GRAMD1B: variants seen among roughly 807,000 people sequenced by gnomAD.
GRAMD1B encodes the protein GRAM domain containing 1B.
A neutral mutation model predicts 99.7 loss-of-function variants in GRAMD1B; 37 were observed. The observed-to-expected ratio is 0.37, with a 90% confidence interval of 0.29 to 0.49. The LOEUF (loss-of-function observed/expected upper bound fraction) is 0.49. GRAMD1B is among the 20% of genes least tolerant of loss of function. The pLI, the probability that GRAMD1B is intolerant of heterozygous loss-of-function variation, is 0.98. For synonymous variants in GRAMD1B, 427 were observed against 387.6 expected, an observed-to-expected ratio of 1.10 and a Z score of -1.19; for missense variants, 888 against 1,009.2, an observed-to-expected ratio of 0.88 and a Z score of 1.63.
chr11:123,431,046 C>T lies in GRAMD1B; in HGVS notation c.254C>T (p.Ser85Phe), dbSNP rs1948858474. 2 of 702,922 alleles carry T rather than the reference C, an allele frequency of 2.8e-6. No individual in the cohort carries two copies. The highest frequency in any genetic ancestry group is 3.0e-5 in the South Asian group (2 of 67,610). 43.5% of individuals were successfully genotyped at this position (702,922 alleles called of 1,614,324 possible). ...LQLPSIEITP[S>F]SDEDTPWSNC... is the part of the protein sequence containing the mutation. ...CTGCCGTCCATCGAGATCACGCCCT[C>T]CAGCGACGAGGACACCCCGTGGTCC... The change falls in exon 1 of 20, where the codon TCC becomes TTC. Residue 85 changes from serine to phenylalanine, a missense_variant. Coordinates refer to ENST00000635736, the MANE Select transcript of GRAMD1B (RefSeq NM_001387025.1).
intron 9 of GRAMD1B, among the ~76,000 whole-genome samples, chr11:123,603,924 T>G (rs1952345655): frequency 6.6e-6 from 1 of 152,164 alleles, no homozygotes; most frequent in Non-Finnish European, 1.5e-5. Context: ...TGGTGGTTGT[T>G]TGGAGAAGTG....
chr11:123,577,859 C>T (rs1948907368), intron 3 of GRAMD1B, among the ~76,000 whole-genome samples: 1 of 151,674 alleles, frequency 6.6e-6, no homozygotes, highest in African/African-American at 2.4e-5. Flanking sequence ...ATTAGGGGGT[C>T]ATCTGCTTAT....
chr11:123,603,548 G>A lies in GRAMD1B; in HGVS notation c.1166+7G>A. The A allele has an allele frequency of 6.4e-7, 1 of 1,568,742 alleles. No homozygotes were observed. Among genetic ancestry groups the A allele is most frequent in the Non-Finnish European group, 8.8e-7 (1 of 1,138,636 alleles). On this transcript the variant is annotated splice_region_variant and intron_variant, in intron 9 of 19. Transcript: ENST00000635736. ...ACGACTTCAACACAATGGGGTGAGTGAGGCCAAGGGCGGCTGCCCAGAGGC... is the reference window on the plus strand; with the variant it reads ...ACGACTTCAACACAATGGGGTGAGTAAGGCCAAGGGCGGCTGCCCAGAGGC...
At chr11:123,445,456 A>G (rs1476064348) in intron 1 of GRAMD1B, among the ~76,000 whole-genome samples, 2 of 152,046 alleles carry the variant, frequency 1.3e-5, no homozygotes, top group Non-Finnish European at 2.9e-5. Flanking sequence ...AGGTGACAAC[A>G]TGTGTTTTCT....
rs188712800 is a variant in GRAMD1B at position 123,623,895 on chromosome 11, G to A, written c.*1300G>A. 3.1e-4 allele frequency: 47 copies of A among 152,764 alleles called. No homozygotes were observed. Among genetic ancestry groups the A allele is most frequent in the Admixed American group, 2.5e-3 (38 of 15,308 alleles). 9.5% of individuals were successfully genotyped at this position (152,764 alleles called of 1,614,324 possible). On this transcript the variant is annotated 3_prime_UTR_variant, in exon 20 of 20. Transcript: ENST00000635736. ...GGGGTTGGAGTACAAATCCTGCTCT[G>A]GTCTCTGGCCCCACAGAGGTGTAAG...
chr11:123,534,512 A>G (rs1943746192), intron 2 of GRAMD1B, among the ~76,000 whole-genome samples: 1 of 152,196 alleles, frequency 6.6e-6, no homozygotes, highest in Non-Finnish European at 1.5e-5. Flanking sequence ...GAAGGGCTGA[A>G]TGAAGGAGAT....
chr11:123,470,298 T>C (rs1374024501), intron 1 of GRAMD1B, among the ~76,000 whole-genome samples: 1 of 152,206 alleles, frequency 6.6e-6, no homozygotes, highest in Non-Finnish European at 1.5e-5. Context: ...AACCATTTCT[T>C]ATTTAGAAGA....
upstream of GRAMD1B, among the ~76,000 whole-genome samples, chr11:123,426,442 C>T (rs1486928710): frequency 6.6e-6 from 1 of 152,208 alleles, no homozygotes; most frequent in Non-Finnish European, 1.5e-5. Flanking sequence ...TGAAATCTGG[C>T]CATCCTTCAT....
chr11:123,393,994 A>G (rs1051211550), intron 1 of GRAMD1B, among the ~76,000 whole-genome samples: 8 of 152,182 alleles, frequency 5.3e-5, no homozygotes, highest in African/African-American at 1.7e-4. Flanking sequence ...ATCTTGGTAA[A>G]ATGCAACTCT....
At chr11:123,462,800 A>G (rs1222674769) in intron 1 of GRAMD1B, among the ~76,000 whole-genome samples, 1 of 150,036 alleles carries the variant, frequency 6.7e-6, no homozygotes, top group East Asian at 2.0e-4. Flanking sequence ...TCACTTGTTT[A>G]TCTGCTGACC....
chr11:123,379,701 G>T (rs904497141), intron 1 of GRAMD1B, among the ~76,000 whole-genome samples: 2 of 152,238 alleles, frequency 1.3e-5, no homozygotes, highest in Non-Finnish European at 2.9e-5. Context: ...ACACCTGGAA[G>T]TGAAATTACT....
intron 11 of GRAMD1B, 159 bp from the exon 12 acceptor site, chr11:123,608,500 C>G: frequency 2.0e-6 from 3 of 1,536,606 alleles, no homozygotes; most frequent in Non-Finnish European, 2.6e-6. Flanking sequence ...AAGTCATAAA[C>G]CATGCCCACG....
At chr11:123,535,755 C>T (rs1317166942) in intron 2 of GRAMD1B, among the ~76,000 whole-genome samples, 2 of 152,056 alleles carry the variant, frequency 1.3e-5, no homozygotes, top group Admixed American at 6.5e-5. Flanking sequence ...GTCTGTTCAC[C>T]GTTCAGTTAA....
chr11:123,581,828 T>C (rs1307654785), intron 3 of GRAMD1B, among the ~76,000 whole-genome samples: 6 of 152,250 alleles, frequency 3.9e-5, no homozygotes, highest in African/African-American at 1.2e-4. Context: ...CCTCACACTT[T>C]GTTCCACATA....
intron 7 of GRAMD1B, chr11:123,598,694 C>T (rs1951587277): frequency 2.0e-6 from 2 of 997,614 alleles, no homozygotes; most frequent in Non-Finnish European, 3.2e-6. Context: ...AGGCCAACTC[C>T]TCCCAGGAGG....
chr11:123,577,407 C>T lies in GRAMD1B; in HGVS notation c.493C>T (p.Pro165Ser). 6.3e-7 allele frequency: 1 copy of T among 1,597,810 alleles called. No homozygotes were observed. The highest frequency in any genetic ancestry group is 8.5e-7 in the Non-Finnish European group (1 of 1,172,752). Residue 165 changes from proline to serine, a missense_variant, in exon 3 of 20, where the codon CCC (proline) becomes TCC (serine). This residue lies in a region of GRAMD1B where 233 missense variants were observed against 154.6 expected (regional missense o/e 1.51). Transcript: ENST00000635736. ...NSNRSTPACS[P>S]ILRKRSRSPT... The stretch of plus-strand genomic sequence containing the variant: ...CAACCGCAGCACGCCGGCCTGCTCG[C>T]CCATCCTCCGGAAGCGGTCTCGCTC...
At position 123,600,564 on chromosome 11, in the gene GRAMD1B, T is replaced by C; in HGVS notation, c.1050+16T>C. On this transcript the variant is annotated intron_variant, in intron 8 of 19. Coordinates refer to ENST00000635736, the MANE Select transcript of GRAMD1B (RefSeq NM_001387025.1). ...CCTTGAAAAGGTAAGTACGGCCGAG[T>C]TTGCTTTTACTGTGGGACTGGCTAT... 2 of 1,580,236 alleles carry C rather than the reference T, an allele frequency of 1.3e-6. No homozygotes were observed. The highest frequency in any genetic ancestry group is 2.7e-5 in the African/African-American group (2 of 74,244).
intron 19 of GRAMD1B, among the ~76,000 whole-genome samples, chr11:123,620,968 G>C (rs910851810): frequency 1.3e-5 from 2 of 152,266 alleles, no homozygotes; most frequent in African/African-American, 4.8e-5. Context: ...TGACCCAGGG[G>C]TCTCTTCCAA....
chr11:123,540,041 AAG>A (rs1944352496), intron 2 of GRAMD1B, among the ~76,000 whole-genome samples: 3 of 151,632 alleles, frequency 2.0e-5, no homozygotes, highest in East Asian at 3.9e-4. Flanking sequence ...AATCTTCTCT[AAG>A]AGTAAAGAGT....
Sources: gnomAD v4.1 joint callset for allele counts (sites outside exome capture counted in the v4.1 genomes callset) on GRCh38, gnomAD v4.1.1 for gene constraint, gnomAD v4.1.1 regional missense constraint, MANE v1.5 for transcripts, NCBI Gene and HGNC (gene_info 2026-07-23, HGNC 2026-07-21) for gene names.